The following SPATA13 variants were observed in gnomAD, a reference collection of about 807,000 sequenced individuals.
The protein encoded by SPATA13 is spermatogenesis associated 13.
Under a neutral mutation model 104.0 loss-of-function variants are expected in SPATA13, and 50 were observed. That is an observed-to-expected ratio of 0.48 (90% confidence interval 0.38 to 0.61). The LOEUF (loss-of-function observed/expected upper bound fraction) is 0.61. Ranked by LOEUF, SPATA13 falls within the 20% of genes least tolerant of loss-of-function variation. SPATA13 has a pLI of 0.00. For synonymous variants in SPATA13, 606 were observed against 667.5 expected (o/e 0.91, Z 1.42); for missense variants, 1,524 against 1,690.6 (o/e 0.90, Z 1.73).
intron 4 of SPATA13, among the ~76,000 whole-genome samples, chr13:24,279,261 C>T (rs1342920244): frequency 2.0e-5 from 3 of 152,098 alleles, no homozygotes; most frequent in East Asian, 1.9e-4. Flanking sequence ...CACGGAGCAG[C>T]GGCCCTGGGC....
At chr13:24,263,381 C>T (rs1874150197) in intron 4 of SPATA13, among the ~76,000 whole-genome samples, 1 of 152,188 alleles carries the variant, frequency 6.6e-6, no homozygotes, top group African/African-American at 2.4e-5. Flanking sequence ...TGAGCCTTGC[C>T]ACGTTCCCTT....
chr13:24,297,421 T>C lies in SPATA13; in HGVS notation c.3269T>C (p.Ile1090Thr). ...ATTCATTCTGGGGAGCTGACCAAAA[T>C]CACTAAGCAAGGCAAAAGCCAGCAG... ...ELIHSGELTK[I>T]TKQGKSQQRT... The change falls in exon 11 of 13, where the codon ATC becomes ACC. Residue 1090 changes from isoleucine to threonine, a missense_variant. Coordinates refer to ENST00000382108, the MANE Select transcript of SPATA13 (RefSeq NM_001166271.3). The C allele has an allele frequency of 6.2e-7, 1 of 1,613,996 alleles. No homozygotes were observed. Among genetic ancestry groups the C allele is most frequent in the Non-Finnish European group, 8.5e-7 (1 of 1,180,002 alleles).
chr13:24,239,255 G>A (rs1053484406), intron 2 of SPATA13, among the ~76,000 whole-genome samples: 5 of 152,098 alleles, frequency 3.3e-5, no homozygotes, highest in Non-Finnish European at 5.9e-5. Context: ...AAATAGGGAC[G>A]GGATGGCTGA....
intron 3 of SPATA13, among the ~76,000 whole-genome samples, chr13:24,059,920 G>A (rs1279512363): frequency 6.6e-6 from 1 of 152,166 alleles, no homozygotes; most frequent in Non-Finnish European, 1.5e-5. Context: ...CTTGTCTTGT[G>A]CCAGTTTTCA....
chr13:24,197,318 A>G (rs1395223879), intron 1 of SPATA13, among the ~76,000 whole-genome samples: 1 of 152,256 alleles, frequency 6.6e-6, no homozygotes, highest in Non-Finnish European at 1.5e-5. Flanking sequence ...TAAACAGTGC[A>G]ATAGTGATTA....
At chr13:23,990,443 A>G (rs757895818) in intron 2 of SPATA13, among the ~76,000 whole-genome samples, 1 of 152,020 alleles carries the variant, frequency 6.6e-6, no homozygotes, top group African/African-American at 2.4e-5. Flanking sequence ...TGATTTCTCA[A>G]TTCCTTAAAC....
intron 3 of SPATA13, among the ~76,000 whole-genome samples, chr13:24,095,506 A>G (rs1477864496): frequency 6.6e-6 from 1 of 152,224 alleles, no homozygotes; most frequent in Non-Finnish European, 1.5e-5. Flanking sequence ...AGTGCTGGTT[A>G]CATGAAAGTG....
intron 3 of SPATA13, among the ~76,000 whole-genome samples, chr13:24,098,320 G>A (rs988658118): frequency 6.6e-5 from 10 of 152,216 alleles, no homozygotes; most frequent in African/African-American, 2.4e-4. Flanking sequence ...CACTTTGGGA[G>A]GCTGAGGCAG....
At chr13:24,208,576 T>TGGGAGTG (rs1555269209) in intron 1 of SPATA13, among the ~76,000 whole-genome samples, 1 of 150,442 alleles carries the variant, frequency 6.6e-6, no homozygotes, top group East Asian at 2.0e-4. Flanking sequence ...AGAAGACTGG[T>TGGGAGTG]GGGGACTTTC....
At chr13:24,122,227 A>T (rs1374469949) in intron 3 of SPATA13, 22 of 1,415,476 alleles carry the variant, frequency 1.6e-5, no homozygotes, top group Non-Finnish European at 2.2e-5. Flanking sequence ...TTTGTTCTTC[A>T]GAAAGATGGT....
chr13:24,288,195 C>T (rs1178234950), intron 7 of SPATA13, among the ~76,000 whole-genome samples: 1 of 152,192 alleles, frequency 6.6e-6, no homozygotes, highest in African/African-American at 2.4e-5. Flanking sequence ...CTGTTAGCCC[C>T]CATTGCAGAT....
intron 4 of SPATA13, chr13:24,270,877 T>C (rs765912154): frequency 5.6e-6 from 9 of 1,607,780 alleles, no homozygotes; most frequent in Middle Eastern, 3.3e-4. Context: ...AGAGGGGAGA[T>C]AGCAAGATTC....
chr13:24,065,812 C>CA (rs1167980741), intron 3 of SPATA13, among the ~76,000 whole-genome samples: 9 of 152,312 alleles, frequency 5.9e-5, no homozygotes, highest in African/African-American at 2.2e-4. Context: ...CTGTCATTCT[C>CA]AACTAAGTTT....
chr13:24,016,049 C>T (rs139796747), intron 2 of SPATA13, among the ~76,000 whole-genome samples: 7 of 152,294 alleles, frequency 4.6e-5, no homozygotes, highest in African/African-American at 1.4e-4. Context: ...CACAGTGACA[C>T]GTGGCATGGT....
chr13:24,303,108 C>G lies in SPATA13; in HGVS notation c.*335C>G, dbSNP rs1877327869. On this transcript the variant is annotated 3_prime_UTR_variant, in exon 13 of 13. Transcript: ENST00000382108. ...CACCCCTGCTGATGATGAGCAAGTG[C>G]CTGCTGCAGGTCCAAACACAGCATC... 2.5e-6 allele frequency: 1 copy of G among 392,634 alleles called. No homozygotes were observed. Among genetic ancestry groups the G allele is most frequent in the Non-Finnish European group, 4.9e-6 (1 of 204,626 alleles). 24.3% of individuals were successfully genotyped at this position (392,634 alleles called of 1,614,324 possible).
intron 3 of SPATA13, among the ~76,000 whole-genome samples, chr13:24,094,291 A>G (rs552197001): frequency 3.5e-4 from 53 of 152,376 alleles, no homozygotes; most frequent in African/African-American, 1.1e-3. Context: ...CAGGGTTAAC[A>G]TAGAAAAACC....
At position 24,294,918 on chromosome 13, in the gene SPATA13, C is replaced by G. The variant is rs779161036; in HGVS notation, c.3210+50C>G. 1.9e-6 allele frequency: 3 copies of G among 1,569,750 alleles called. No individual in the cohort carries two copies. In the South Asian group the frequency reaches 3.4e-5, roughly 18 times the overall value. On this transcript the variant is annotated intron_variant, in intron 10 of 12. Transcript: ENST00000382108. ...TCCCATGCCACTCGCCCTTCCCGCA[C>G]CTTTGATCTGGTGCAGATGCACTTT... is the stretch of plus-strand genomic sequence containing the variant.
intron 3 of SPATA13, among the ~76,000 whole-genome samples, chr13:24,135,653 C>G (rs1342856769): frequency 1.3e-5 from 2 of 149,386 alleles, no homozygotes; most frequent in South Asian, 2.1e-4. Context: ...AGCTGAGATC[C>G]CACCACTGCA....
chr13:24,176,747 A>T (rs980203055), intron 1 of SPATA13, among the ~76,000 whole-genome samples: 1 of 152,178 alleles, frequency 6.6e-6, no homozygotes, highest in Non-Finnish European at 1.5e-5. Context: ...ATGATTGATT[A>T]GCTATTAATT....
Sources: gnomAD v4.1 joint callset for allele counts (sites outside exome capture counted in the v4.1 genomes callset) on GRCh38, gnomAD v4.1.1 for gene constraint, MANE v1.5 for transcripts, NCBI Gene and HGNC (gene_info 2026-07-23, HGNC 2026-07-21) for gene names.